Variants in CASZ1 observed in about 807,000 individuals in gnomAD.
CASZ1 encodes zinc finger protein castor homolog 1.
Under a neutral mutation model 135.2 loss-of-function variants are expected in CASZ1, and 28 were observed. That is an observed-to-expected ratio of 0.21 (90% confidence interval 0.15 to 0.28). The LOEUF is 0.28. Among genes scored for constraint, CASZ1 ranks in the 10% least tolerant of loss-of-function variants. The pLI is 1.00. For missense variants in CASZ1, 2,161 were observed against 2,453.3 expected, an observed-to-expected ratio of 0.88 and a Z score of 2.52; for synonymous variants, 1,068 against 1,073.4, an observed-to-expected ratio of 0.99 and a Z score of 0.10.
chr1:10,666,796 C>CGCACACACACGCGT lies in CASZ1; in HGVS notation c.17-1239_17-1226dup, dbSNP rs1643251406. 6.6e-6 allele frequency among the ~76,000 whole-genome samples: 1 copy of CGCACACACACGCGT among 152,208 alleles called. No individual in the cohort carries two copies. The highest frequency in any genetic ancestry group is 1.5e-5 in the Non-Finnish European group (1 of 68,022). Reference sequence around the variant, plus strand: ...GCTGGCGAGGGTGGACACACACACACGCACACACACGCGTGCACACACAGC... The same window carrying CGCACACACACGCGT: ...GCTGGCGAGGGTGGACACACACACACGCACACACACGCGTGCACACACACGCGTGCACACACAGC... On this transcript the variant is annotated intron_variant, in intron 4 of 20. Coordinates refer to ENST00000377022, the MANE Select transcript of CASZ1 (RefSeq NM_001079843.3). The surrounding 1 kb of genome is among the most constrained non-coding windows in gnomAD (Gnocchi z 5.2).
In CASZ1 at chr1:10,777,523, G is replaced by T. The variant is rs965055639; in HGVS notation, c.-233-16666C>A. Among the ~76,000 whole-genome samples, 3 of 152,194 alleles carry T rather than the reference G, an allele frequency of 2.0e-5. No individual in the cohort carries two copies. Among genetic ancestry groups the T allele is most frequent in the African/African-American group, 7.2e-5 (3 of 41,436 alleles). Reference sequence around the variant, plus strand: ...CCTGGGGCAGGGGACCAAGTGATACGCGAAAAACAGACGGAAGACCCCGTT... The same window carrying T: ...CCTGGGGCAGGGGACCAAGTGATACTCGAAAAACAGACGGAAGACCCCGTT... On this transcript the variant is annotated intron_variant, in intron 1 of 20. Transcript: ENST00000377022. This position sits in a 1 kb window ranked among gnomAD's most constrained non-coding sequence, Gnocchi z 4.4.
At position 10,656,731 on chromosome 1, in the gene CASZ1, G is replaced by A. The variant is rs1183427617; in HGVS notation, c.1415C>T (p.Ser472Leu). The change falls in exon 8 of 21, where the codon TCG (serine) becomes TTG (leucine). Residue 472 changes from serine (S) to leucine (L), a missense_variant. Coordinates refer to ENST00000377022, the MANE Select transcript of CASZ1 (RefSeq NM_001079843.3). ...GATGTGGCCACAGTGCTGGCTGCCC[G>A]AGAACCTGGAGGGAGGAGGGGTGGG... Reference protein sequence around the residue: ...NIYQKYIARFSGSQHCGHIHC... With the variant: ...NIYQKYIARFLGSQHCGHIHC... 3.1e-6 allele frequency: 5 copies of A among 1,590,024 alleles called. No homozygotes were observed. The highest frequency in any genetic ancestry group is 4.3e-6 in the Non-Finnish European group (5 of 1,168,574).
At chr1:10,772,364 C>T (rs2100595622) in intron 1 of CASZ1, among the ~76,000 whole-genome samples, 1 of 152,356 alleles carries the variant, frequency 6.6e-6, no homozygotes, top group East Asian at 1.9e-4. Context: ...AGTTCTGCTC[C>T]TTCCCCCATA....
intron 1 of CASZ1, among the ~76,000 whole-genome samples, chr1:10,796,335 C>G (rs1301679804): frequency 6.6e-6 from 1 of 152,178 alleles, no homozygotes; most frequent in East Asian, 1.9e-4. Context: ...GGTGCCAGCC[C>G]TCCGTGCCCC....
intron 2 of CASZ1, among the ~76,000 whole-genome samples, chr1:10,736,264 C>T (rs2100519210): frequency 6.6e-6 from 1 of 152,320 alleles, no homozygotes; most frequent in East Asian, 1.9e-4. Context: ...CTCCTGGTCC[C>T]CATCACTCAG....
At chr1:10,751,071 T>C (rs1640141989) in intron 2 of CASZ1, among the ~76,000 whole-genome samples, 1 of 151,542 alleles carries the variant, frequency 6.6e-6, no homozygotes, top group Admixed American at 6.6e-5. Flanking sequence ...TAACTGTCAT[T>C]GCTATTATTA....
intron 4 of CASZ1, among the ~76,000 whole-genome samples, chr1:10,673,689 T>A (rs527785744): frequency 6.6e-6 from 1 of 152,228 alleles, no homozygotes; most frequent in African/African-American, 2.4e-5. Flanking sequence ...CCCATGCTGC[T>A]GCCACCATCT....
Position 10,679,581 on chromosome 1 carries a change from C to G in CASZ1, c.17-14010G>C, listed in dbSNP as rs1270982204. ...CCCATACCATAGTCCTGGTTCCCAG[C>G]CTGCAACAGCTGCACCTCCACCCCC... is the stretch of plus-strand genomic sequence containing the variant. On this transcript the variant is annotated intron_variant, in intron 4 of 20. Coordinates refer to ENST00000377022, the MANE Select transcript of CASZ1 (RefSeq NM_001079843.3). This position sits in a 1 kb window ranked among gnomAD's most constrained non-coding sequence, Gnocchi z 4.7. Among the ~76,000 whole-genome samples the G allele has an allele frequency of 6.6e-6, 1 of 152,198 alleles. No individual in the cohort carries two copies. The highest frequency in any genetic ancestry group is 1.5e-5 in the Non-Finnish European group (1 of 68,024).
At position 10,660,195 on chromosome 1, in the gene CASZ1, C is replaced by T. The variant is rs778553608; in HGVS notation, c.847G>A (p.Ala283Thr). The part of the protein sequence containing the change: ...LPGLRLPSST[A>T]HLETKATILP... ...ATGGTGGCCTTGGTCTCCAGGTGGG[C>T]CGTGCTGCTGGGCAGCCGCAGGCCG... Residue 283 changes from alanine to threonine, a missense_variant, in exon 6 of 21, where the codon GCC becomes ACC. This residue lies in a region of CASZ1 where 590 missense variants were observed against 609.8 expected (regional missense o/e 0.97). Coordinates refer to ENST00000377022, the MANE Select transcript of CASZ1 (RefSeq NM_001079843.3). 1.6e-5 allele frequency: 26 copies of T among 1,613,286 alleles called. No individual in the cohort carries two copies. The highest frequency in any genetic ancestry group is 2.1e-5 in the Non-Finnish European group (25 of 1,179,910).
Position 10,701,212 on chromosome 1 carries a change from G to A in CASZ1, c.-24+4280C>T, listed in dbSNP as rs954543054. 2.0e-5 allele frequency among the ~76,000 whole-genome samples: 3 copies of A among 152,214 alleles called. No homozygotes were observed. The highest frequency in any genetic ancestry group is 2.9e-5 in the Non-Finnish European group (2 of 68,032). The stretch of plus-strand genomic sequence containing the variant: ...TGCTCCCTGGCAGGGAAGCGGGTAC[G>A]TGGCCCTCCTCCTGCCTCCTGCCCG... On this transcript the variant is annotated intron_variant, in intron 3 of 20. Coordinates refer to ENST00000377022, the MANE Select transcript of CASZ1 (RefSeq NM_001079843.3). This position sits in a 1 kb window ranked among gnomAD's most constrained non-coding sequence, Gnocchi z 6.3.
At chr1:10,718,384 C>G (rs1054438467) in intron 2 of CASZ1, among the ~76,000 whole-genome samples, 4 of 152,224 alleles carry the variant, frequency 2.6e-5, no homozygotes, top group Non-Finnish European at 5.9e-5. Context: ...TTTGATTTAT[C>G]AAAGCAGCAG....
At chr1:10,659,543 A>G (rs114182636) in intron 6 of CASZ1, among the ~76,000 whole-genome samples, 159 bp downstream of exon 6, 92 of 152,322 alleles carry the variant, frequency 6.0e-4, no homozygotes, top group African/African-American at 2.1e-3. Flanking sequence ...AAGCGCATGG[A>G]TGGGAGCCTG....
At chr1:10,680,283 GA>G (rs1638370977) in intron 4 of CASZ1, among the ~76,000 whole-genome samples, 1 of 145,534 alleles carries the variant, frequency 6.9e-6, no homozygotes, top group African/African-American at 2.5e-5. Context: ...GGCGGCGGGG[GA>G]TGGTGGAGGG....
intron 4 of CASZ1, among the ~76,000 whole-genome samples, chr1:10,687,520 G>A (rs907377577): frequency 2.0e-5 from 3 of 152,240 alleles, no homozygotes; most frequent in East Asian, 1.9e-4. Flanking sequence ...AAGCCCTGGC[G>A]CCTGGCTGGC....
intron 4 of CASZ1, among the ~76,000 whole-genome samples, chr1:10,690,284 G>A (rs1167791869): frequency 2.0e-5 from 3 of 152,206 alleles, no homozygotes; most frequent in Non-Finnish European, 4.4e-5. Flanking sequence ...GCTCATGGAA[G>A]GTCTGATCTG....
Position 10,659,764 on chromosome 1 carries a change from C to G in CASZ1, c.1278G>C (p.Glu426Asp). 1 of 1,613,982 alleles carries G rather than the reference C, an allele frequency of 6.2e-7. No individual in the cohort carries two copies. The highest frequency in any genetic ancestry group is 1.1e-5 in the South Asian group (1 of 91,086). The change falls in exon 6 of 21, where the codon GAG (glutamate) becomes GAC (aspartate). Residue 426 changes from glutamate to aspartate, a missense_variant. Coordinates refer to ENST00000377022, the MANE Select transcript of CASZ1 (RefSeq NM_001079843.3). ...PPASLSFNTPEYLKSTFSKTD... is the reference protein window; with the variant it reads ...PPASLSFNTPDYLKSTFSKTD... The stretch of plus-strand genomic sequence containing the variant: ...TTTTGGAGAAGGTTGACTTCAGGTA[C>G]TCGGGAGTGTTGAAGGACAGGGAGG...
At position 10,658,588 on chromosome 1, in the gene CASZ1, C is replaced by T. The variant is rs981948691; in HGVS notation, c.1341-12G>A. The T allele has an allele frequency of 5.0e-6, 8 of 1,612,856 alleles. No homozygotes were observed. Among genetic ancestry groups the T allele is most frequent in the East Asian group, 2.2e-5 (1 of 44,892 alleles). ...TGGGCAGTCCGTTCCTGGCAAGAGACACACAGGGCACAGCCGGTGAGCAGA... is the reference window on the plus strand; with the variant it reads ...TGGGCAGTCCGTTCCTGGCAAGAGATACACAGGGCACAGCCGGTGAGCAGA... On this transcript the variant is annotated splice_polypyrimidine_tract_variant and intron_variant, in intron 6 of 20. Coordinates refer to ENST00000377022, the MANE Select transcript of CASZ1 (RefSeq NM_001079843.3).
At chr1:10,750,679 CA>C (rs923416983) in intron 2 of CASZ1, among the ~76,000 whole-genome samples, 14 of 152,062 alleles carry the variant, frequency 9.2e-5, no homozygotes, top group African/African-American at 3.1e-4. Context: ...GCAGGTGGAT[CA>C]CATGAGGTCA....
At position 10,743,370 on chromosome 1, in the gene CASZ1, C is replaced by G. The variant is rs185183573; in HGVS notation, c.-77+17331G>C. On this transcript the variant is annotated intron_variant, in intron 2 of 20. Coordinates refer to ENST00000377022, the MANE Select transcript of CASZ1 (RefSeq NM_001079843.3). ...GAGAAGGAGACTACATCTCCAAGTA[C>G]CCCCACTCAGACCCATCGGTTCATG... Among the ~76,000 whole-genome samples the G allele has an allele frequency of 2.0e-3, 308 of 151,672 alleles. 2 individuals are homozygous for G. The highest frequency in any genetic ancestry group is 6.8e-3 in the African/African-American group (283 of 41,424).
Sources: gnomAD v4.1 joint callset for allele counts (sites outside exome capture counted in the v4.1 genomes callset) on GRCh38, gnomAD v4.1.1 for gene constraint, gnomAD v4.1.1 regional missense constraint, Gnocchi (gnomAD v3.1) non-coding constraint, MANE v1.5 for transcripts, NCBI Gene and HGNC (gene_info 2026-07-23, HGNC 2026-07-21) for gene names.